The following ARHGAP20 variants were observed in gnomAD, a reference collection of about 807,000 sequenced individuals.
ARHGAP20 encodes the protein rho GTPase-activating protein 20.
ARHGAP20 carries 34 observed loss-of-function variants against 73.7 expected under a neutral mutation model. That is an observed-to-expected ratio of 0.46 (90% CI 0.35 to 0.61). The LOEUF (loss-of-function observed/expected upper bound fraction) is 0.61. ARHGAP20 is among the 20% of genes least tolerant of loss of function. The pLI, the probability that ARHGAP20 is intolerant of heterozygous loss-of-function variation, is 0.00. For missense variants in ARHGAP20, 1,314 were observed against 1,420.9 expected (o/e 0.92, Z 1.21); for synonymous variants, 523 against 518.2 (o/e 1.01, Z -0.13).
chr11:110,620,879 C>G (rs1948613750), intron 4 of ARHGAP20, among the ~76,000 whole-genome samples: 1 of 151,042 alleles, frequency 6.6e-6, no homozygotes, highest in Admixed American at 6.6e-5. Flanking sequence ...TGAGACCAGT[C>G]TGGCCAACAT....
At chr11:110,704,943 C>T (rs2135151447) in intron 1 of ARHGAP20, among the ~76,000 whole-genome samples, 1 of 152,230 alleles carries the variant, frequency 6.6e-6, no homozygotes, top group African/African-American at 2.4e-5. Flanking sequence ...TATATTTCCT[C>T]AAAGCACTCT....
At chr11:110,599,657 C>T (rs960861227) in intron 9 of ARHGAP20, among the ~76,000 whole-genome samples, 1 of 152,184 alleles carries the variant, frequency 6.6e-6, no homozygotes, top group Non-Finnish European at 1.5e-5. Flanking sequence ...TGGGTCTGCC[C>T]ATGGCTGCCC....
chr11:110,653,542 G>A (rs1427475093), intron 2 of ARHGAP20, among the ~76,000 whole-genome samples: 1 of 152,146 alleles, frequency 6.6e-6, no homozygotes, highest in Non-Finnish European at 1.5e-5. Flanking sequence ...ATGCCAGTCA[G>A]AACAGTGATT....
intron 2 of ARHGAP20, among the ~76,000 whole-genome samples, chr11:110,683,280 T>C (rs1010419917): frequency 2.0e-5 from 3 of 152,122 alleles, no homozygotes; most frequent in African/African-American, 4.8e-5. Context: ...TTCTAAACCA[T>C]ATACATGAGC....
At position 110,581,050 on chromosome 11, in the gene ARHGAP20, G is replaced by T. The variant is rs779359314; in HGVS notation, c.1896C>A (p.Gly632=). Residue 632 remains glycine (G), a synonymous_variant, in exon 15 of 15, where the codon GGC becomes GGA. Coordinates refer to ENST00000683387, the MANE Select transcript of ARHGAP20 (RefSeq NM_001384657.1). ...AGTCAAAGTCGCTTAGGGTTAAAAG[G>T]CCTTCCACCTCGGGCTGGTCAAGAT... is the stretch of plus-strand genomic sequence containing the variant. The part of the protein sequence containing the change: ...DYDLDQPEVE[G]LLTLSDFDLA... The T allele has an allele frequency of 6.2e-7, 1 of 1,614,000 alleles. No homozygotes were observed. Among genetic ancestry groups the T allele is most frequent in the Non-Finnish European group, 8.5e-7 (1 of 1,180,036 alleles).
In ARHGAP20 at chr11:110,579,749, GA is replaced by G; in HGVS notation, c.3196del (p.Ser1066LeufsTer6). ...AARPEEEKIA[S>X]PKGPLEPPPH... ...GGGTGGCTCTAAGGGTCCTTTTGGA[GA>G]AGCTATTTTCTCTTCCTCTGGTCTG... On this transcript the variant is annotated frameshift_variant, in exon 15 of 15. Transcript: ENST00000683387. LOFTEE classifies it low-confidence loss of function (END_TRUNC). The G allele has an allele frequency of 1.2e-6, 2 of 1,613,896 alleles. No individual in the cohort carries two copies. The highest frequency in any genetic ancestry group is 1.7e-6 in the Non-Finnish European group (2 of 1,179,980).
At position 110,580,042 on chromosome 11, in the gene ARHGAP20, G is replaced by A. The variant is rs758830119; in HGVS notation, c.2904C>T (p.Pro968=). ...SQISEHSVFT[P]TETSSPIDCT... is the part of the protein sequence containing the mutation. ...AATCTATTGGAGAGGAAGTCTCAGT[G>A]GGTGTAAACACAGAGTGTTCAGAAA... The change falls in exon 15 of 15, where the codon CCC becomes CCT. Residue 968 remains proline (P), a synonymous_variant. Transcript: ENST00000683387. The A allele has an allele frequency of 1.5e-5, 24 of 1,614,068 alleles. No individual in the cohort carries two copies. Among genetic ancestry groups the A allele is most frequent in the South Asian group, 1.4e-4 (13 of 91,082 alleles).
intron 1 of ARHGAP20, among the ~76,000 whole-genome samples, chr11:110,691,888 A>G (rs1175215085): frequency 6.6e-6 from 1 of 152,210 alleles, no homozygotes; most frequent in Non-Finnish European, 1.5e-5. Context: ...GACAGGAAAC[A>G]CATGGGTTAA....
At chr11:110,671,115 A>T (rs1200670086) in intron 2 of ARHGAP20, among the ~76,000 whole-genome samples, 2 of 152,072 alleles carry the variant, frequency 1.3e-5, no homozygotes, top group Non-Finnish European at 2.9e-5. Flanking sequence ...TGGTTGAGAA[A>T]TCTGCAAAAA....
chr11:110,592,621 G>A (rs894803366), intron 9 of ARHGAP20, among the ~76,000 whole-genome samples: 22 of 152,124 alleles, frequency 1.4e-4, no homozygotes, highest in Admixed American at 3.3e-4. Flanking sequence ...GGGGAAGTAG[G>A]AGTAAGAGAA....
At chr11:110,686,456 G>T (rs1008819172) in intron 2 of ARHGAP20, among the ~76,000 whole-genome samples, 1 of 152,060 alleles carries the variant, frequency 6.6e-6, no homozygotes, top group Non-Finnish European at 1.5e-5. Flanking sequence ...ATGGAGTAGA[G>T]AATTTACTTT....
chr11:110,577,217 A>G lies in ARHGAP20; in HGVS notation c.*2153T>C. The G allele has an allele frequency of 6.6e-7, 1 of 1,511,952 alleles. No homozygotes were observed. The highest frequency in any genetic ancestry group is 8.8e-7 in the Non-Finnish European group (1 of 1,132,756). The allele number at this position is 1,511,952 out of a possible 1,614,324, so 93.7% of individuals were successfully genotyped here. ...GTAGTAAAATTTGTCAAGATATATTATACAAACTCAAAGCATTTTAGATAA... is the reference window on the plus strand; with the variant it reads ...GTAGTAAAATTTGTCAAGATATATTGTACAAACTCAAAGCATTTTAGATAA... On this transcript the variant is annotated 3_prime_UTR_variant, in exon 15 of 15. Transcript: ENST00000683387.
At chr11:110,683,649 T>C (rs1257946735) in intron 2 of ARHGAP20, among the ~76,000 whole-genome samples, 3 of 152,260 alleles carry the variant, frequency 2.0e-5, no homozygotes, top group Admixed American at 6.5e-5. Context: ...TTAAAAGATA[T>C]ATAGGGTGGT....
intron 1 of ARHGAP20, among the ~76,000 whole-genome samples, chr11:110,699,496 G>T (rs1172602956): frequency 6.6e-6 from 1 of 151,876 alleles, no homozygotes; most frequent in African/African-American, 2.4e-5. Context: ...TGATATCAGT[G>T]GGGTGTCGAA....
intron 9 of ARHGAP20, among the ~76,000 whole-genome samples, chr11:110,599,485 C>G (rs1226246526): frequency 1.3e-5 from 2 of 152,182 alleles, no homozygotes; most frequent in Non-Finnish European, 2.9e-5. Context: ...CCCTTTGCAC[C>G]TATAGCCTGG....
chr11:110,591,155 T>C (rs1403298607), intron 10 of ARHGAP20, among the ~76,000 whole-genome samples: 1 of 152,226 alleles, frequency 6.6e-6, no homozygotes, highest in Non-Finnish European at 1.5e-5. Context: ...TTTTAAGTGT[T>C]CTCTAATTTT....
At chr11:110,618,746 A>C (rs1948548415) in intron 4 of ARHGAP20, among the ~76,000 whole-genome samples, 1 of 137,208 alleles carries the variant, frequency 7.3e-6, no homozygotes, top group African/African-American at 2.8e-5. Context: ...GATAGAGTAT[A>C]TGCAGTGATA....
At position 110,650,703 on chromosome 11, in the gene ARHGAP20, T is replaced by C. The variant is rs146416330; in HGVS notation, c.189-19911A>G. ...TGAGTACTTCATGCAATTTAGTTCA[T>C]AGCAGCAGGGATTTTTTTCAAGTGA... On this transcript the variant is annotated intron_variant, in intron 2 of 14. Transcript: ENST00000683387. Among the ~76,000 whole-genome samples the C allele has an allele frequency of 5.0e-3, 757 of 152,278 alleles. 3 individuals are homozygous for C. The highest frequency in any genetic ancestry group is 0.021 in the South Asian group (101 of 4,828).
intron 1 of ARHGAP20, among the ~76,000 whole-genome samples, chr11:110,700,999 T>C (rs1950438316): frequency 6.6e-6 from 1 of 151,086 alleles, no homozygotes; most frequent in Non-Finnish European, 1.5e-5. Context: ...TTGTTGGACA[T>C]TTGGGTTGGT....
Sources: gnomAD v4.1 joint callset for allele counts (sites outside exome capture counted in the v4.1 genomes callset) on GRCh38, gnomAD v4.1.1 for gene constraint, MANE v1.5 for transcripts, NCBI Gene and HGNC (gene_info 2026-07-23, HGNC 2026-07-21) for gene names.